The following CDH23 variants were observed in gnomAD, a reference collection of about 807,000 sequenced individuals.
CDH23 encodes the protein cadherin related 23, also known as cadherin-23.
Under a neutral mutation model 317.1 loss-of-function variants are expected in CDH23, and 189 were observed. The ratio of observed to expected loss-of-function variants is 0.60; its 90% CI spans 0.53 to 0.67. CDH23 has a LOEUF of 0.67. CDH23 is among the 30% of genes least tolerant of loss of function. The pLI, the probability that CDH23 is intolerant of heterozygous loss-of-function variation, is 0.00. For missense variants in CDH23, 4,401 were observed against 4,592.4 expected (o/e 0.96, Z 1.20); for synonymous variants, 1,839 against 1,876.8 (o/e 0.98, Z 0.52).
rs751903801 is a variant in CDH23 at position 71,706,878 on chromosome 10, C to T, written c.2954-19C>T. 23 of 1,578,844 alleles carry T rather than the reference C, an allele frequency of 1.5e-5. No individual in the cohort carries two copies. Among genetic ancestry groups the T allele is most frequent in the South Asian group, 4.6e-5 (4 of 86,304 alleles). On this transcript the variant is annotated intron_variant, in intron 25 of 69. Coordinates refer to ENST00000224721, the MANE Select transcript of CDH23 (RefSeq NM_022124.6). Reference sequence around the variant, plus strand: ...CGGCAGAAGCCAGGCCTAGCCCCGGCGCCCGTTCTGCCCCGCAGTGCTGGA... The same window carrying T: ...CGGCAGAAGCCAGGCCTAGCCCCGGTGCCCGTTCTGCCCCGCAGTGCTGGA...
At chr10:71,728,485 A>C (rs1374995316) in intron 30 of CDH23, among the ~76,000 whole-genome samples, 6 of 152,164 alleles carry the variant, frequency 3.9e-5, no homozygotes, top group Non-Finnish European at 8.8e-5. Context: ...ACCAGCCAGA[A>C]GCTCTGTCAC....
chr10:71,663,403 A>C (rs1863759176), intron 14 of CDH23, among the ~76,000 whole-genome samples: 1 of 152,040 alleles, frequency 6.6e-6, no homozygotes, highest in African/African-American at 2.4e-5. Flanking sequence ...TCTCCCCTGC[A>C]TCTCAAGGCC....
intron 14 of CDH23, among the ~76,000 whole-genome samples, chr10:71,654,834 G>A: frequency 6.6e-6 from 1 of 152,168 alleles, no homozygotes; most frequent in East Asian, 1.9e-4. Flanking sequence ...GATCCAGACA[G>A]AAGCTGCGTG....
At chr10:71,668,168 G>A (rs949184343) in intron 14 of CDH23, among the ~76,000 whole-genome samples, 5 of 152,124 alleles carry the variant, frequency 3.3e-5, no homozygotes, top group African/African-American at 1.2e-4. Flanking sequence ...TGCCACCACA[G>A]CCAGAGACCC....
chr10:71,589,600 A>G (rs1167397118), intron 9 of CDH23, among the ~76,000 whole-genome samples: 1 of 152,232 alleles, frequency 6.6e-6, no homozygotes, highest in Non-Finnish European at 1.5e-5. Flanking sequence ...GGCATATGTA[A>G]TACACACTTT....
At position 71,677,904 on chromosome 10, in the gene CDH23, T is replaced by C. The variant is rs541655059; in HGVS notation, c.1752+211T>C. 1.1e-3 allele frequency among the ~76,000 whole-genome samples: 174 copies of C among 152,282 alleles called. 1 individual carries two copies. In the Middle Eastern group the frequency reaches 0.024, roughly 21 times the overall value. On this transcript the variant is annotated intron_variant, in intron 16 of 69. Transcript: ENST00000224721. ...TCTCTGCCTCCTTAGCAGCTGGGACTACAGGCTTGAGCCACCGTGCCTAGC... is the reference window on the plus strand; with the variant it reads ...TCTCTGCCTCCTTAGCAGCTGGGACCACAGGCTTGAGCCACCGTGCCTAGC...
At chr10:71,788,518 T>C (rs1841159550) in intron 44 of CDH23, among the ~76,000 whole-genome samples, 1 of 151,518 alleles carries the variant, frequency 6.6e-6, no homozygotes, top group Non-Finnish European at 1.5e-5. Flanking sequence ...TGCAGTGGCG[T>C]GATATCCGCT....
intron 3 of CDH23, among the ~76,000 whole-genome samples, chr10:71,462,255 G>A (rs564066553): frequency 1.3e-5 from 2 of 152,222 alleles, no homozygotes; most frequent in Admixed American, 1.3e-4. Flanking sequence ...ACACAGAGTG[G>A]TGGTGCAGCA....
At position 71,788,992 on chromosome 10, in the gene CDH23, T is replaced by A; in HGVS notation, c.5873T>A (p.Leu1958His). 1 of 1,606,788 alleles carries A rather than the reference T, an allele frequency of 6.2e-7. No homozygotes were observed. Among genetic ancestry groups the A allele is most frequent in the Non-Finnish European group, 8.5e-7 (1 of 1,173,402 alleles). ...TCTGATGAGAATGACAACCACCCCC[T>A]CTTCACTAAAAGCACCTACCAGGCA... ...FLSDENDNHP[L>H]FTKSTYQAEV... The change falls in exon 45 of 70, where the codon CTC becomes CAC. Residue 1958 changes from leucine (L) to histidine (H), a missense_variant. Coordinates refer to ENST00000224721, the MANE Select transcript of CDH23 (RefSeq NM_022124.6).
chr10:71,612,227 AGTGTGTGTGT>A (rs112383786), intron 9 of CDH23, among the ~76,000 whole-genome samples: 1 of 149,186 alleles, frequency 6.7e-6, no homozygotes, highest in African/African-American at 2.5e-5. Flanking sequence ...GTGAAAAAGA[AGTGTGTGTGT>A]GTGTGTGTGT....
chr10:71,528,719 C>G lies in CDH23; in HGVS notation c.429+17507C>G, dbSNP rs188188264. On this transcript the variant is annotated intron_variant, in intron 6 of 69. Coordinates refer to ENST00000224721, the MANE Select transcript of CDH23 (RefSeq NM_022124.6). ...TCTATTGGCAAGGAGTAGAGCCAGG[C>G]CCCCAGAACCCTGTTCCCCACCCTG... Among the ~76,000 whole-genome samples, 4 of 152,330 alleles carry G rather than the reference C, an allele frequency of 2.6e-5. No homozygotes were observed. In the East Asian group the frequency reaches 7.7e-4, roughly 29 times the overall value.
rs555787002 is a variant in CDH23 at position 71,751,599 on chromosome 10, C to T, written c.4845+9678C>T. 177 of 1,477,064 alleles carry T rather than the reference C, an allele frequency of 1.2e-4. 1 individual carries two copies. Among genetic ancestry groups the T allele is most frequent in the Non-Finnish European group, 1.4e-4 (158 of 1,105,278 alleles). The allele number at this position is 1,477,064 out of a possible 1,614,324, so 91.5% of individuals were successfully genotyped here. A position where few individuals can be genotyped will look rare whatever the true frequency, so the allele number is the denominator to read the frequency against. On this transcript the variant is annotated intron_variant, in intron 38 of 69. Transcript: ENST00000224721. The surrounding 1 kb of genome is among the most constrained non-coding windows in gnomAD (Gnocchi z 4.9). ...CTTCAGGGAGGGCAGGGAGTGAGGC[C>T]GATGCCCTGCAGGCCATGAGGTCAT... is the stretch of plus-strand genomic sequence containing the variant.
chr10:71,662,299 A>G (rs1863707875), intron 14 of CDH23, among the ~76,000 whole-genome samples: 2 of 152,152 alleles, frequency 1.3e-5, no homozygotes, highest in Admixed American at 1.3e-4. Context: ...CGCCAGTGAC[A>G]GGCGTGGGGG....
chr10:71,679,567 G>C, intron 17 of CDH23, 75 bp downstream of exon 17: 1 of 1,185,552 alleles, frequency 8.4e-7, no homozygotes, highest in Non-Finnish European at 1.2e-6. Context: ...CCTCCCTTGT[G>C]GGGATGAGGC....
chr10:71,421,792 A>G (rs1191385207), intron 1 of CDH23, among the ~76,000 whole-genome samples: 2 of 152,126 alleles, frequency 1.3e-5, no homozygotes, highest in African/African-American at 4.8e-5. Context: ...TAGAAAATAA[A>G]TTAAAAGAGG....
rs1841041634 is a variant in CDH23, at chr10:71,784,405, C to G, written c.5487C>G (p.Pro1829=). ...LTICARDRGM[P]PLSSTMLVGI... is the part of the protein sequence containing the mutation. ...TCTGTGCCCGTGACCGGGGGATGCCCCCACTCAGCTCCACAGTGAGTCTGG... is the reference window on the plus strand; with the variant it reads ...TCTGTGCCCGTGACCGGGGGATGCCGCCACTCAGCTCCACAGTGAGTCTGG... Residue 1829 remains proline (P), a synonymous_variant, in exon 42 of 70, where the codon CCC becomes CCG. Coordinates refer to ENST00000224721, the MANE Select transcript of CDH23 (RefSeq NM_022124.6). 1 of 1,613,490 alleles carries G rather than the reference C, an allele frequency of 6.2e-7. No homozygotes were observed. Among genetic ancestry groups the G allele is most frequent in the South Asian group, 1.1e-5 (1 of 91,046 alleles).
intron 1 of CDH23, among the ~76,000 whole-genome samples, chr10:71,410,510 A>G (rs974632579): frequency 3.3e-5 from 5 of 152,332 alleles, no homozygotes; most frequent in Non-Finnish European, 7.4e-5. Flanking sequence ...GTGCTAAGAG[A>G]CTTCTTAAGG....
intron 14 of CDH23, among the ~76,000 whole-genome samples, chr10:71,664,121 T>A (rs1258038211): frequency 6.6e-6 from 1 of 151,562 alleles, no homozygotes; most frequent in Non-Finnish European, 1.5e-5. Flanking sequence ...ACACCCCTCC[T>A]CCAGGCATCT....
chr10:71,564,000 A>G (rs191161878), intron 6 of CDH23, among the ~76,000 whole-genome samples: 2 of 152,268 alleles, frequency 1.3e-5, no homozygotes, highest in African/African-American at 4.8e-5. Context: ...TAACAGCTCC[A>G]TTTTACAGAT....
Sources: allele counts gnomAD v4.1 joint callset (sites outside exome capture counted in the v4.1 genomes callset), GRCh38; gene constraint gnomAD v4.1.1; non-coding constraint Gnocchi (gnomAD v3.1); transcripts MANE v1.5; gene names NCBI Gene and HGNC (gene_info 2026-07-23, HGNC 2026-07-21).